MED23: variants seen among roughly 807,000 people sequenced by gnomAD.
The protein encoded by MED23 is mediator of RNA polymerase II transcription subunit 23.
In MED23, 105 loss-of-function variants were observed where a neutral mutation model predicts 163.9. The ratio of observed to expected loss-of-function variants is 0.64; its 90% CI spans 0.55 to 0.75. The LOEUF (loss-of-function observed/expected upper bound fraction) is 0.75. MED23 is among the 30% of genes least tolerant of loss of function. The pLI is 0.00. For missense variants in MED23, 1,054 were observed against 1,649.0 expected (o/e 0.64, Z 6.25); for synonymous variants, 561 against 565.6 (o/e 0.99, Z 0.12).
intron 25 of MED23, 135 bp from the exon 26 acceptor site, chr6:131,591,662 T>C: frequency 1.4e-6 from 1 of 710,142 alleles, no homozygotes; most frequent in East Asian, 2.7e-5. Flanking sequence ...CTGGGTGGCT[T>C]TGTAACTGGT....
chr6:131,600,615 C>T (rs544647264), intron 17 of MED23, among the ~76,000 whole-genome samples: 21 of 152,252 alleles, frequency 1.4e-4, no homozygotes, highest in African/African-American at 4.8e-4. Flanking sequence ...TTTACATAAA[C>T]GTATTTGAGG....
intron 13 of MED23, among the ~76,000 whole-genome samples, chr6:131,606,124 A>G (rs1775837597): frequency 6.6e-6 from 1 of 152,234 alleles, no homozygotes; most frequent in Non-Finnish European, 1.5e-5. Flanking sequence ...TATCTCAGTC[A>G]GCTTATGCTG....
chr6:131,599,992 A>G (rs750682480), intron 18 of MED23, 46 bp downstream of exon 18: 2 of 1,606,920 alleles, frequency 1.2e-6, no homozygotes, highest in South Asian at 2.2e-5. Flanking sequence ...GTGAATGGGA[A>G]GAAGGATTTC....
Position 131,590,425 on chromosome 6 carries a change from A to G in MED23, c.3704T>C (p.Leu1235Pro), listed in dbSNP as rs1281087782. ...SLIPKFLTEVLLPIVKTEFQL... is the reference protein window; with the variant it reads ...SLIPKFLTEVPLPIVKTEFQL... ...GAATTCGGTCTTCACTATAGGAAGA[A>G]GTACTTCAGTAAGAAACCTAAAATT... The change falls in exon 27 of 29, where the codon CTT (leucine) becomes CCT (proline). Residue 1235 changes from leucine (L) to proline (P), a missense_variant. Leu to Pro is a moderately conservative substitution (Grantham distance 98). This residue lies in a region of MED23 where 362 missense variants were observed against 471.6 expected (regional missense o/e 0.77). Coordinates refer to ENST00000368068, the MANE Select transcript of MED23 (RefSeq NM_004830.4). 10 of 1,603,292 alleles carry G rather than the reference A, an allele frequency of 6.2e-6. No individual in the cohort carries two copies. In the South Asian group the frequency reaches 1.1e-4, roughly 18 times the overall value.
intron 16 of MED23, 117 bp downstream of exon 16, chr6:131,602,913 T>C: frequency 4.6e-6 from 5 of 1,085,934 alleles, no homozygotes; most frequent in Non-Finnish European, 6.6e-6. Flanking sequence ...AGAAGTTTTA[T>C]GACAGATGAA....
At position 131,603,134 on chromosome 6, in the gene MED23, G is replaced by A. The variant is rs150724628; in HGVS notation, c.1827C>T (p.Ser609=). The A allele has an allele frequency of 3.7e-6, 6 of 1,613,840 alleles. No homozygotes were observed. In the African/African-American group the frequency reaches 6.7e-5, roughly 18 times the overall value. Reference sequence around the variant, plus strand: ...GAGGCTGAATATGATGCATCCGGTAGCTAAACATCTCAAGGAGTGTGTGTA... The same window carrying A: ...GAGGCTGAATATGATGCATCCGGTAACTAAACATCTCAAGGAGTGTGTGTA... ...GILHTLLEMF[S]YRMHHIQPHY... Residue 609 remains serine (S), a synonymous_variant, in exon 16 of 29, where the codon AGC becomes AGT. Coordinates refer to ENST00000368068, the MANE Select transcript of MED23 (RefSeq NM_004830.4).
chr6:131,589,683 G>C, intron 27 of MED23, 87 bp from the exon 28 acceptor site: 1 of 1,218,156 alleles, frequency 8.2e-7, no homozygotes, highest in South Asian at 1.2e-5. Context: ...TACAACACTA[G>C]CACCGGGGGA....
At chr6:131,588,786 A>C (rs1774362187) in intron 28 of MED23, among the ~76,000 whole-genome samples, 1 of 152,124 alleles carries the variant, frequency 6.6e-6, no homozygotes, top group African/African-American at 2.4e-5. Context: ...TTATGATTCA[A>C]GGTCTTTTTC....
chr6:131,627,687 A>AAAC lies in MED23; in HGVS notation c.40-16_40-15insGTT. The AAAC allele has an allele frequency of 6.2e-7, 1 of 1,601,420 alleles. No homozygotes were observed. Among genetic ancestry groups the AAAC allele is most frequent in the South Asian group, 1.1e-5 (1 of 88,156 alleles). On this transcript the variant is annotated splice_polypyrimidine_tract_variant and intron_variant, in intron 1 of 28. Transcript: ENST00000368068. The stretch of plus-strand genomic sequence containing the variant: ...ACTTCCGTTTTCTGTAAAAAAAAAA[A>AAAC]AAACAAAATGTAAACAATGTTAATT...
intron 10 of MED23, among the ~76,000 whole-genome samples, chr6:131,613,780 T>C (rs1258814229): frequency 6.6e-6 from 1 of 152,214 alleles, no homozygotes; most frequent in Non-Finnish European, 1.5e-5. Flanking sequence ...ATTTATGTCT[T>C]AGTCATAAAC....
At chr6:131,627,793 C>A (rs1777626341) in intron 1 of MED23, 121 bp from the exon 2 acceptor site, 1 of 1,044,654 alleles carries the variant, frequency 9.6e-7, no homozygotes, top group Non-Finnish European at 1.5e-6. Flanking sequence ...ACTATCAATA[C>A]CTGTCTGGCC....
chr6:131,590,859 C>T (rs1197734074), intron 26 of MED23, among the ~76,000 whole-genome samples: 1 of 148,476 alleles, frequency 6.7e-6, no homozygotes, highest in Non-Finnish European at 1.5e-5. Flanking sequence ...CCTTGTGATC[C>T]ACCCATCTCG....
At chr6:131,625,023 T>C (rs1180895545) in intron 3 of MED23, 34 bp from the exon 4 acceptor site, 1 of 1,609,154 alleles carries the variant, frequency 6.2e-7, no homozygotes, top group South Asian at 1.1e-5. Context: ...ACTTGGGGTC[T>C]AAAGTTACAT....
In MED23 at chr6:131,586,906, A is replaced by G. The variant is rs966402838; in HGVS notation, c.*773T>C. ...AATTTTAAGATTATAAAAATTGAAG[A>G]ATTACATCATCTGTCAGGTGAGAGT... On this transcript the variant is annotated 3_prime_UTR_variant, in exon 29 of 29. Coordinates refer to ENST00000368068, the MANE Select transcript of MED23 (RefSeq NM_004830.4). 7 of 1,452,258 alleles carry G rather than the reference A, an allele frequency of 4.8e-6. No homozygotes were observed. The highest frequency in any genetic ancestry group is 6.5e-6 in the Non-Finnish European group (7 of 1,073,228). 90.0% of individuals were successfully genotyped at this position (1,452,258 alleles called of 1,614,324 possible).
At chr6:131,614,916 T>C (rs1191740911) in intron 10 of MED23, among the ~76,000 whole-genome samples, 4 of 151,904 alleles carry the variant, frequency 2.6e-5, no homozygotes, top group African/African-American at 7.2e-5. Context: ...TCTGGAAAGA[T>C]AAAGGCCACC....
intron 8 of MED23, 129 bp downstream of exon 8, chr6:131,619,698 A>G (rs1369187062): frequency 2.9e-6 from 2 of 701,546 alleles, no homozygotes; most frequent in African/African-American, 3.5e-5. Context: ...CATTATATTA[A>G]GCTCTTAGAG....
At chr6:131,592,305 C>T in intron 25 of MED23, 83 bp downstream of exon 25, 1 of 1,174,870 alleles carries the variant, frequency 8.5e-7, no homozygotes, top group Non-Finnish European at 1.3e-6. Context: ...CAAGGGCATC[C>T]TATATGCATC....
At chr6:131,601,835 AAATT>A (rs1343395782) in intron 17 of MED23, among the ~76,000 whole-genome samples, 1 of 151,928 alleles carries the variant, frequency 6.6e-6, no homozygotes, top group Non-Finnish European at 1.5e-5. Context: ...ATTTAAAAAC[AAATT>A]AATAAATATT....
Position 131,615,970 on chromosome 6 carries a change from T to C in MED23, c.813A>G (p.Arg271=). ...TGGAATAAGGCTGCTCCAATACATA[T>C]CTCAACAAAGCAGTCTGTGGTTCAA... is the stretch of plus-strand genomic sequence containing the variant. ...DLFEPQTALL[R]YVLEQPYSRD... The change falls in exon 10 of 29, where the codon AGA becomes AGG. Residue 271 remains arginine, a synonymous_variant. Transcript: ENST00000368068. 2 of 1,613,554 alleles carry C rather than the reference T, an allele frequency of 1.2e-6. No homozygotes were observed. Among genetic ancestry groups the C allele is most frequent in the East Asian group, 2.2e-5 (1 of 44,838 alleles).
Sources: allele counts gnomAD v4.1 joint callset (sites outside exome capture counted in the v4.1 genomes callset), GRCh38; gene constraint gnomAD v4.1.1; regional missense constraint gnomAD v4.1.1; transcripts MANE v1.5; gene names NCBI Gene and HGNC (gene_info 2026-07-23, HGNC 2026-07-21).